The following PSG11 variants were observed in gnomAD, a reference collection of about 807,000 sequenced individuals.
The protein encoded by PSG11 is pregnancy specific beta-1-glycoprotein 11, also known as pregnancy-specific beta-1-glycoprotein 11.
A neutral mutation model predicts 36.0 loss-of-function variants in PSG11; 42 were observed. The observed-to-expected ratio is 1.17, with a 90% CI of 0.91 to 1.51. The LOEUF (loss-of-function observed/expected upper bound fraction) is 1.51. PSG11 is among the 40% of genes most tolerant of loss of function. The pLI is 0.00. For synonymous variants in PSG11, 206 were observed against 153.5 expected (o/e 1.34, Z -2.53); for missense variants, 558 against 403.5 (o/e 1.38, Z -3.28).
intron 2 of PSG11, chr19:43,019,390 G>C (rs944772831): frequency 5.8e-6 from 2 of 342,388 alleles, no homozygotes; most frequent in Non-Finnish European, 1.1e-5. Flanking sequence ...TCCTGACTTG[G>C]AGCATGCAGT....
chr19:43,024,006 G>A (rs1268086798), intron 2 of PSG11, among the ~76,000 whole-genome samples: 1 of 151,346 alleles, frequency 6.6e-6, no homozygotes, highest in African/African-American at 2.4e-5. Context: ...TTCTGCTTCT[G>A]AGGACATTAG....
In PSG11 at chr19:43,015,374, G is replaced by T. The variant is rs770908946; in HGVS notation, c.710-4C>A. 2 of 1,606,722 alleles carry T rather than the reference G, an allele frequency of 1.2e-6. No individual in the cohort carries two copies. The highest frequency in any genetic ancestry group is 1.7e-6 in the Non-Finnish European group (2 of 1,176,140). ...ATTCTGGGGAGGTCTGGACCATCTG[G>T]AGGAAAGAGAATAAAGCCACAGTTG... On this transcript the variant is annotated splice_region_variant and splice_polypyrimidine_tract_variant and intron_variant, in intron 3 of 5. Transcript: ENST00000320078.
chr19:43,016,027 T>C, intron 3 of PSG11: 2 of 1,610,108 alleles, frequency 1.2e-6, no homozygotes, highest in East Asian at 2.2e-5. Flanking sequence ...GATGGTGATG[T>C]AGGGCATGGG....
intron 1 of PSG11, among the ~76,000 whole-genome samples, chr19:43,025,898 T>G (rs751573296): frequency 2.9e-5 from 4 of 140,190 alleles, no homozygotes; most frequent in Non-Finnish European, 6.2e-5. Context: ...TATCCAGGCA[T>G]CAACAGGGCC....
Position 43,020,162 on chromosome 19 carries a change from TCTC to T in PSG11, c.431-1117_431-1115del, listed in dbSNP as rs1568490841. Among the ~76,000 whole-genome samples, 2 of 151,278 alleles carry T rather than the reference TCTC, an allele frequency of 1.3e-5. 1 individual carries two copies. The highest frequency in any genetic ancestry group is 2.9e-5 in the Non-Finnish European group (2 of 67,872). On this transcript the variant is annotated intron_variant, in intron 2 of 5. Coordinates refer to ENST00000320078, the MANE Select transcript of PSG11 (RefSeq NM_002785.3). ...ATGCAGGACGAGGAGGTTCTAGAGA[TCTC>T]CTGTACAGATTCATGCCTATAGTTC...
intron 2 of PSG11, among the ~76,000 whole-genome samples, chr19:43,020,080 TC>T (rs1040582680): frequency 2.0e-5 from 3 of 151,402 alleles, no homozygotes; most frequent in African/African-American, 7.3e-5. Context: ...AATAGTAGTT[TC>T]CAGGAGCTGG....
Position 43,015,306 on chromosome 19 carries a change from G to T in PSG11, c.774C>A (p.Asp258Glu). 1 of 1,610,166 alleles carries T rather than the reference G, an allele frequency of 6.2e-7. No homozygotes were observed. The highest frequency in any genetic ancestry group is 8.5e-7 in the Non-Finnish European group (1 of 1,177,284). Residue 258 changes from aspartate (D) to glutamate (E), a missense_variant, in exon 4 of 6, where the codon GAC (aspartate) becomes GAA (glutamate). By Grantham distance (45) the Asp-to-Glu change is conservative. Coordinates refer to ENST00000320078, the MANE Select transcript of PSG11 (RefSeq NM_002785.3). Reference protein sequence around the residue: ...VTSYYSGENLDLSCFANSNPP... With the variant: ...VTSYYSGENLELSCFANSNPP... ...GGTTAGAGTTTGCGAAGCAGGACAA[G>T]TCGAGGTTCTCTCCTGAATAGTAAG...
chr19:43,025,714 G>GC (rs11443610), intron 1 of PSG11, among the ~76,000 whole-genome samples: 79,280 of 146,572 alleles, frequency 0.54, 23,276 homozygotes, highest in East Asian at 0.99. Context: ...TTCATGCCCT[G>GC]TTTATTTTTA....
rs1322528633 is a variant in PSG11, at chr19:43,016,125, T to A, written c.710-755A>T. 1.2e-5 allele frequency: 18 copies of A among 1,526,904 alleles called. 1 individual carries two copies. The highest frequency in any genetic ancestry group is 1.6e-5 in the Non-Finnish European group (18 of 1,133,888). 94.6% of individuals were successfully genotyped at this position (1,526,904 alleles called of 1,614,324 possible). On this transcript the variant is annotated intron_variant, in intron 3 of 5. Coordinates refer to ENST00000320078, the MANE Select transcript of PSG11 (RefSeq NM_002785.3). Reference sequence around the variant, plus strand: ...AGGCATCCTTCAATCAGAGTTGGCATCTCCCACCTCTCAGCCCACCCGAGT... The same window carrying A: ...AGGCATCCTTCAATCAGAGTTGGCAACTCCCACCTCTCAGCCCACCCGAGT...
At chr19:43,021,556 T>G (rs1448034881) in intron 2 of PSG11, among the ~76,000 whole-genome samples, 3 of 151,318 alleles carry the variant, frequency 2.0e-5, no homozygotes, top group African/African-American at 4.9e-5. Context: ...TTTAACCATG[T>G]TAGCCAGGAT....
intron 4 of PSG11, 46 bp downstream of exon 4, chr19:43,015,070 G>T (rs536331237): frequency 6.2e-7 from 1 of 1,610,470 alleles, no homozygotes; most frequent in South Asian, 1.1e-5. Flanking sequence ...AAGCTAGATA[G>T]ACTCCACCTA....
intron 4 of PSG11, among the ~76,000 whole-genome samples, chr19:43,013,366 A>G (rs1974120999): frequency 6.6e-6 from 1 of 151,488 alleles, no homozygotes; most frequent in Non-Finnish European, 1.5e-5. Context: ...TATGTGTGAT[A>G]AGAAATTAAT....
intron 4 of PSG11, among the ~76,000 whole-genome samples, chr19:43,012,147 C>A (rs1467811387): frequency 2.7e-5 from 4 of 150,796 alleles, no homozygotes; most frequent in African/African-American, 9.8e-5. Context: ...GGAAGGAAAC[C>A]ACCTCAACAT....
chr19:43,021,518 A>AT (rs1394519535), intron 2 of PSG11, among the ~76,000 whole-genome samples: 1 of 151,092 alleles, frequency 6.6e-6, no homozygotes. Context: ...TGCCCAGCTA[A>AT]TTTTTTGTAT....
At chr19:43,023,356 C>A (rs1314170410) in intron 2 of PSG11, among the ~76,000 whole-genome samples, 1 of 150,818 alleles carries the variant, frequency 6.6e-6, no homozygotes, top group Non-Finnish European at 1.5e-5. Context: ...TCTCGCTGGG[C>A]CTGTGCTGGT....
At chr19:43,013,818 C>T (rs1247511902) in intron 4 of PSG11, among the ~76,000 whole-genome samples, 2 of 151,352 alleles carry the variant, frequency 1.3e-5, no homozygotes, top group African/African-American at 4.9e-5. Flanking sequence ...TATTTGTACA[C>T]TGATGTTTAG....
chr19:43,014,376 T>C, intron 4 of PSG11: 1 of 931,774 alleles, frequency 1.1e-6, no homozygotes, highest in Non-Finnish European at 1.3e-6. Context: ...CATCAGTCAC[T>C]GTACTCAGTG....
chr19:43,022,261 G>C (rs951245249), intron 2 of PSG11, among the ~76,000 whole-genome samples: 1 of 151,374 alleles, frequency 6.6e-6, no homozygotes, highest in Admixed American at 6.6e-5. Flanking sequence ...ATTGTAGAAC[G>C]TGAGATTGGT....
chr19:43,013,996 G>A (rs968514731), intron 4 of PSG11: 1 of 151,310 alleles, frequency 6.6e-6, no homozygotes, highest in Admixed American at 6.6e-5. Flanking sequence ...AAGATATTAT[G>A]CTAACTGAAA....
Sources: allele counts gnomAD v4.1 joint callset (sites outside exome capture counted in the v4.1 genomes callset), GRCh38; gene constraint gnomAD v4.1.1; transcripts MANE v1.5; gene names NCBI Gene and HGNC (gene_info 2026-07-23, HGNC 2026-07-21).